The following ACYP2 variants were observed in gnomAD, a reference collection of about 807,000 sequenced individuals.
ACYP2 encodes acylphosphatase 2, also known as acylphosphatase-2.
ACYP2 carries 12 observed loss-of-function variants against 11.2 expected under a neutral mutation model. The ratio of observed to expected loss-of-function variants is 1.08; its 90% CI spans 0.69 to 1.74. The LOEUF (loss-of-function observed/expected upper bound fraction) is 1.74, where lower values mean the gene tolerates loss of function less well. Among genes scored for constraint, ACYP2 ranks in the 40% most tolerant of loss-of-function variants. ACYP2 has a pLI of 0.00. For missense variants in ACYP2, 134 were observed against 101.9 expected (o/e 1.31, Z -1.35); for synonymous variants, 43 against 32.2 (o/e 1.33, Z -1.13).
rs565560112 is a variant in ACYP2, at chr2:54,003,197, A to C, written c.62+29387A>C. 2.6e-5 allele frequency among the ~76,000 whole-genome samples: 4 copies of C among 151,802 alleles called. 1 individual carries two copies. The highest frequency in any genetic ancestry group is 9.7e-5 in the African/African-American group (4 of 41,408). On this transcript the variant is annotated intron_variant, in intron 2 of 6. Coordinates refer to ENST00000607452, the MANE Select transcript of ACYP2 (RefSeq NM_001320586.2). ...CCCTGGCCTCAAGTGATCCTCTTGCATCAGCCTCCCAAAGTGATGGGATTA... is the reference window on the plus strand; with the variant it reads ...CCCTGGCCTCAAGTGATCCTCTTGCCTCAGCCTCCCAAAGTGATGGGATTA...
intron 2 of ACYP2, among the ~76,000 whole-genome samples, chr2:53,975,631 G>A (rs906012152): frequency 3.9e-5 from 6 of 152,110 alleles, no homozygotes; most frequent in Non-Finnish European, 8.8e-5. Context: ...AGGAGATCAA[G>A]AGCATCCTGG....
chr2:54,223,788 C>T (rs1685894661), intron 6 of ACYP2, among the ~76,000 whole-genome samples: 1 of 152,132 alleles, frequency 6.6e-6, no homozygotes, highest in Non-Finnish European at 1.5e-5. Context: ...AATAATTTTT[C>T]TAGCAACTTG....
intron 4 of ACYP2, among the ~76,000 whole-genome samples, chr2:54,129,846 A>G (rs530731893): frequency 6.7e-6 from 1 of 148,466 alleles, no homozygotes; most frequent in South Asian, 2.1e-4. Flanking sequence ...ATACATTAAC[A>G]ATAAATATAA....
intron 6 of ACYP2, among the ~76,000 whole-genome samples, chr2:54,215,329 C>G (rs1375779766): frequency 6.6e-6 from 1 of 152,092 alleles, no homozygotes; most frequent in East Asian, 1.9e-4. Context: ...TTGTGCCAGT[C>G]TTCAAGGAGA....
chr2:54,100,440 C>T (rs1166065519), intron 4 of ACYP2, among the ~76,000 whole-genome samples: 2 of 151,704 alleles, frequency 1.3e-5, no homozygotes, highest in African/African-American at 4.8e-5. Context: ...GTAGCTGGGA[C>T]CACAGCTGTG....
intron 6 of ACYP2, among the ~76,000 whole-genome samples, chr2:54,292,487 A>G (rs1397303726): frequency 6.6e-6 from 1 of 152,154 alleles, no homozygotes; most frequent in Non-Finnish European, 1.5e-5. Context: ...GTTAAATAAG[A>G]TATTATTAAA....
intron 4 of ACYP2, among the ~76,000 whole-genome samples, chr2:54,071,182 G>C (rs12623097): frequency 6.6e-6 from 1 of 152,116 alleles, no homozygotes; most frequent in Admixed American, 6.5e-5. Flanking sequence ...ATAACATCAC[G>C]CTTAATAGTG....
chr2:53,996,162 A>G (rs1672564833), intron 2 of ACYP2, among the ~76,000 whole-genome samples: 1 of 152,124 alleles, frequency 6.6e-6, no homozygotes, highest in Non-Finnish European at 1.5e-5. Flanking sequence ...AAGACTCACA[A>G]TGTACAAACG....
intron 6 of ACYP2, among the ~76,000 whole-genome samples, chr2:54,292,710 G>T (rs961728313): frequency 1.4e-5 from 2 of 146,380 alleles, no homozygotes; most frequent in Non-Finnish European, 3.0e-5. Context: ...ACACACACAC[G>T]TGTATGTATC....
At chr2:54,270,291 TCA>T (rs1234972689) in intron 6 of ACYP2, among the ~76,000 whole-genome samples, 6 of 152,244 alleles carry the variant, frequency 3.9e-5, no homozygotes, top group African/African-American at 1.4e-4. Flanking sequence ...TCTAAAGATT[TCA>T]CAGATATTTG....
chr2:54,283,115 C>T (rs190425804), intron 6 of ACYP2, among the ~76,000 whole-genome samples: 1 of 152,272 alleles, frequency 6.6e-6, no homozygotes, highest in African/African-American at 2.4e-5. Context: ...ACATTTTGGG[C>T]TTTATCCTAA....
chr2:54,004,780 C>T (rs550667533), intron 2 of ACYP2, among the ~76,000 whole-genome samples: 29 of 150,714 alleles, frequency 1.9e-4, no homozygotes, highest in African/African-American at 6.1e-4. Flanking sequence ...TTTGTCTCAG[C>T]CGTGTGTGGG....
At chr2:53,981,879 T>G (rs1433522841) in intron 2 of ACYP2, among the ~76,000 whole-genome samples, 2 of 152,226 alleles carry the variant, frequency 1.3e-5, no homozygotes, top group Admixed American at 6.5e-5. Context: ...CATATCTCCG[T>G]CATTAAGTGA....
intron 2 of ACYP2, among the ~76,000 whole-genome samples, chr2:54,035,500 T>C (rs1372281549): frequency 3.9e-5 from 6 of 151,954 alleles, no homozygotes; most frequent in Non-Finnish European, 4.4e-5. Context: ...CTCCTAACCT[T>C]GTGATCCACC....
intron 6 of ACYP2, among the ~76,000 whole-genome samples, chr2:54,195,620 A>G (rs1684432765): frequency 7.0e-6 from 1 of 142,714 alleles, no homozygotes; most frequent in Admixed American, 7.1e-5. Context: ...CGTTGCAAGA[A>G]TGAAGACTGG....
rs547913030 is a variant in ACYP2, at chr2:54,115,684, G to C, written c.278-19769G>C. ...AGCCCCTCTCCGGCTCCTCAACAGA[G>C]GGCTCGCCGCCGCCATGTCTACCGC... On this transcript the variant is annotated intron_variant, in intron 4 of 6. Transcript: ENST00000607452. 4.1e-5 allele frequency: 66 copies of C among 1,609,808 alleles called. No homozygotes were observed. In the South Asian group the frequency reaches 6.2e-4, roughly 15 times the overall value.
chr2:54,280,640 G>A (rs1688807801), intron 6 of ACYP2, among the ~76,000 whole-genome samples: 1 of 152,164 alleles, frequency 6.6e-6, no homozygotes, highest in Non-Finnish European at 1.5e-5. Context: ...CAGAGAAAAG[G>A]AAAAATGTCA....
chr2:53,974,680 ATACTAG>A (rs1235113811), intron 2 of ACYP2, among the ~76,000 whole-genome samples: 3 of 152,202 alleles, frequency 2.0e-5, no homozygotes, highest in Admixed American at 6.5e-5. Flanking sequence ...TACTAGTGAC[ATACTAG>A]TATAATAGAA....
At chr2:54,182,044 A>T (rs1167247547) in intron 6 of ACYP2, among the ~76,000 whole-genome samples, 1 of 139,782 alleles carries the variant, frequency 7.2e-6, no homozygotes, top group African/African-American at 2.8e-5. Context: ...AAAATAGAAG[A>T]TAATTTTTTT....
Sources: gnomAD v4.1 joint callset for allele counts (sites outside exome capture counted in the v4.1 genomes callset) on GRCh38, gnomAD v4.1.1 for gene constraint, MANE v1.5 for transcripts, NCBI Gene and HGNC (gene_info 2026-07-23, HGNC 2026-07-21) for gene names.